JAK1: variants seen among roughly 807,000 people sequenced by gnomAD.
JAK1 encodes Janus kinase 1, also known as tyrosine-protein kinase JAK1.
JAK1 carries 16 observed loss-of-function variants against 136.6 expected under a neutral mutation model. The observed-to-expected ratio is 0.12, with a 90% CI of 0.08 to 0.18. The LOEUF is 0.18. Ranked by LOEUF, JAK1 falls within the 10% of genes least tolerant of loss-of-function variation. The pLI, the probability that JAK1 is intolerant of heterozygous loss-of-function variation, is 1.00. For missense variants in JAK1, 859 were observed against 1,450.1 expected, an observed-to-expected ratio of 0.59 and a Z score of 6.62; for synonymous variants, 492 against 519.5, an observed-to-expected ratio of 0.95 and a Z score of 0.72.
At chr1:64,893,453 C>T (rs190251794) in intron 1 of JAK1, among the ~76,000 whole-genome samples, 24 of 152,322 alleles carry the variant, frequency 1.6e-4, no homozygotes, top group Non-Finnish European at 3.1e-4. Context: ...TAAAAGCCTG[C>T]TCTTGGAGTC....
intron 2 of JAK1, among the ~76,000 whole-genome samples, chr1:65,038,198 C>CTTTTT (rs113538392): frequency 5.3e-5 from 7 of 133,290 alleles, no homozygotes; most frequent in African/African-American, 1.1e-4. Context: ...TTTTTCTTTT[C>CTTTTT]TTTTTTTTTT....
rs374830660 is a variant in JAK1, at chr1:64,896,157, C to A, written c.-77-9816G>T. Among the ~76,000 whole-genome samples the A allele has an allele frequency of 2.3e-4, 35 of 152,308 alleles. 9 individuals are homozygous for A. Among genetic ancestry groups the A allele is most frequent in the Admixed American group, 3.9e-4 (6 of 15,302 alleles). On this transcript the variant is annotated intron_variant, in intron 1 of 24. Transcript: ENST00000342505. ...TTTCTCAAGATAAATGCTCCTTTTC[C>A]CACTCTGCACATAGGAAGGCAGTCT... is the stretch of plus-strand genomic sequence containing the variant.
chr1:64,913,692 GAA>G (rs1453218675), intron 1 of JAK1, among the ~76,000 whole-genome samples: 3 of 27,098 alleles, frequency 1.1e-4, no homozygotes, highest in Admixed American at 4.4e-4. Context: ...AGGAAGGAAG[GAA>G]GGAAGGAAAG....
intron 2 of JAK1, among the ~76,000 whole-genome samples, chr1:65,020,451 A>C (rs945296101): frequency 2.0e-5 from 3 of 152,174 alleles, no homozygotes; most frequent in African/African-American, 7.2e-5. Flanking sequence ...CATTGTTCTG[A>C]GTAGCTTGAA....
At chr1:64,931,205 G>A (rs1054811030) in intron 1 of JAK1, among the ~76,000 whole-genome samples, 2 of 151,960 alleles carry the variant, frequency 1.3e-5, no homozygotes, top group Admixed American at 6.6e-5. Context: ...TATGAAATAG[G>A]GTTCCTTGAT....
At chr1:65,065,811 G>A (rs1208017006) in intron 1 of JAK1, among the ~76,000 whole-genome samples, 2 of 151,450 alleles carry the variant, frequency 1.3e-5, no homozygotes, top group Non-Finnish European at 2.9e-5. Flanking sequence ...GCTACGGAGG[G>A]ACAGCAGATT....
rs1453114591 is a variant in JAK1, at chr1:64,984,268, T to C, written c.-78+60212A>G. Among the ~76,000 whole-genome samples the C allele has an allele frequency of 2.0e-5, 3 of 152,110 alleles. No homozygotes were observed. Among genetic ancestry groups the C allele is most frequent in the East Asian group, 1.9e-4 (1 of 5,190 alleles). On this transcript the variant is annotated intron_variant, in intron 2 of 25. Transcript: ENST00000671954. The surrounding 1 kb of genome is among the most constrained non-coding windows in gnomAD (Gnocchi z 4.1). ...TATCTGCTTCCTGGTAAGTCTGCGGTTGGGGGAACTGCACCTTACTTTTCC... is the reference window on the plus strand; with the variant it reads ...TATCTGCTTCCTGGTAAGTCTGCGGCTGGGGGAACTGCACCTTACTTTTCC...
chr1:64,897,736 G>T (rs1389573418), intron 1 of JAK1, among the ~76,000 whole-genome samples: 2 of 144,506 alleles, frequency 1.4e-5, no homozygotes, highest in Non-Finnish European at 3.0e-5. Context: ...TACCCAAGGA[G>T]AATGCAGATC....
chr1:65,001,390 C>T (rs1646754997), intron 2 of JAK1, among the ~76,000 whole-genome samples: 1 of 152,214 alleles, frequency 6.6e-6, no homozygotes, highest in South Asian at 2.1e-4. Flanking sequence ...TCCCCCTCTC[C>T]CTGTGCGCTG....
intron 7 of JAK1, among the ~76,000 whole-genome samples, chr1:64,865,416 C>T (rs908479932): frequency 2.0e-5 from 3 of 152,186 alleles, no homozygotes; most frequent in South Asian, 2.1e-4. Flanking sequence ...GTACTCAAGT[C>T]GGGATTTTCC....
At chr1:64,956,960 G>T (rs931850747) in intron 1 of JAK1, among the ~76,000 whole-genome samples, 1 of 152,184 alleles carries the variant, frequency 6.6e-6, no homozygotes, top group Admixed American at 6.5e-5. Flanking sequence ...GGCACCAGTA[G>T]GGTTGAGGGA....
intron 1 of JAK1, among the ~76,000 whole-genome samples, chr1:65,045,622 C>T (rs1207341811): frequency 6.6e-6 from 1 of 152,160 alleles, no homozygotes; most frequent in Non-Finnish European, 1.5e-5. Flanking sequence ...CAGTGCCCTC[C>T]TCATAGAACT....
chr1:65,028,575 G>T (rs1646997837), intron 2 of JAK1, among the ~76,000 whole-genome samples: 1 of 152,074 alleles, frequency 6.6e-6, no homozygotes, highest in Admixed American at 6.6e-5. Context: ...TTCTCTTTCT[G>T]ATGCAAACTT....
chr1:65,044,959 T>C (rs1647171489), intron 1 of JAK1, among the ~76,000 whole-genome samples: 1 of 152,212 alleles, frequency 6.6e-6, no homozygotes, highest in East Asian at 1.9e-4. Context: ...AAAAATATTG[T>C]GTGATTATAG....
chr1:65,056,576 C>A (rs1279696520), intron 1 of JAK1, among the ~76,000 whole-genome samples: 1 of 152,204 alleles, frequency 6.6e-6, no homozygotes, highest in Non-Finnish European at 1.5e-5. Flanking sequence ...TGACCCATAT[C>A]TAAGACATGC....
At chr1:64,868,456 A>G (rs1656847966) in intron 6 of JAK1, among the ~76,000 whole-genome samples, 1 of 152,226 alleles carries the variant, frequency 6.6e-6, no homozygotes, top group Admixed American at 6.5e-5. Context: ...GAATTAGAGA[A>G]GAACTGTCAT....
At chr1:64,947,666 C>T (rs777100206) in intron 1 of JAK1, among the ~76,000 whole-genome samples, 1 of 150,178 alleles carries the variant, frequency 6.7e-6, no homozygotes, top group African/African-American at 2.5e-5. Context: ...AGGTACCCAA[C>T]AGAAAAGCAG....
At chr1:65,043,562 C>A (rs2100840696) in intron 2 of JAK1, among the ~76,000 whole-genome samples, 1 of 152,226 alleles carries the variant, frequency 6.6e-6, no homozygotes, top group South Asian at 2.1e-4. Flanking sequence ...GAGACAAAGT[C>A]TTGCTCTGTT....
intron 1 of JAK1, among the ~76,000 whole-genome samples, chr1:64,933,017 C>A (rs1171359876): frequency 6.6e-6 from 1 of 152,032 alleles, no homozygotes; most frequent in African/African-American, 2.4e-5. Flanking sequence ...TCCGAGAAAT[C>A]TCAAATAGAA....
Sources: allele counts gnomAD v4.1 joint callset (sites outside exome capture counted in the v4.1 genomes callset), GRCh38; gene constraint gnomAD v4.1.1; non-coding constraint Gnocchi (gnomAD v3.1); transcripts MANE v1.5; gene names NCBI Gene and HGNC (gene_info 2026-07-23, HGNC 2026-07-21).